The following STK32B variants were observed in gnomAD, a reference collection of about 807,000 sequenced individuals.
STK32B encodes serine/threonine kinase 32B.
In STK32B, 43 loss-of-function variants were observed where a neutral mutation model predicts 52.6. The observed-to-expected ratio is 0.82, with a 90% confidence interval of 0.64 to 1.05. The LOEUF is 1.05. Ranked by LOEUF, STK32B falls within the 50% of genes least tolerant of loss-of-function variation. The pLI, the probability that STK32B is intolerant of heterozygous loss-of-function variation, is 0.00. For missense variants in STK32B, 621 were observed against 534.6 expected, an observed-to-expected ratio of 1.16 and a Z score of -1.59; for synonymous variants, 238 against 204.3, an observed-to-expected ratio of 1.17 and a Z score of -1.41.
At chr4:5,428,776 T>C (rs1237338643) in intron 6 of STK32B, among the ~76,000 whole-genome samples, 1 of 152,230 alleles carries the variant, frequency 6.6e-6, no homozygotes, top group Non-Finnish European at 1.5e-5. Context: ...TGTAAATTTC[T>C]CTGTTTTTCC....
rs1045539618 is a variant in STK32B at position 5,399,811 on chromosome 4, G to A, written c.472+1567G>A. Among the ~76,000 whole-genome samples the A allele has an allele frequency of 2.0e-5, 3 of 152,160 alleles. No homozygotes were observed. The highest frequency in any genetic ancestry group is 7.2e-5 in the African/African-American group (3 of 41,440). On this transcript the variant is annotated intron_variant, in intron 5 of 11. Coordinates refer to ENST00000282908, the MANE Select transcript of STK32B (RefSeq NM_018401.3). The surrounding 1 kb of genome is among the most constrained non-coding windows in gnomAD (Gnocchi z 5.4). ...GAAGGTCAGCCACCCATCACAGTATGCAAGCGCTCGGGAAGGGGTAGATAA... is the reference window on the plus strand; with the variant it reads ...GAAGGTCAGCCACCCATCACAGTATACAAGCGCTCGGGAAGGGGTAGATAA...
At chr4:5,159,730 T>A (rs1375365181) in intron 2 of STK32B, among the ~76,000 whole-genome samples, 6 of 105,744 alleles carry the variant, frequency 5.7e-5, no homozygotes, top group African/African-American at 2.3e-4. Flanking sequence ...TGTATATGAA[T>A]ATATATATGA....
At chr4:5,282,654 C>G (rs540562455) in intron 3 of STK32B, among the ~76,000 whole-genome samples, 1 of 152,158 alleles carries the variant, frequency 6.6e-6, no homozygotes, top group Non-Finnish European at 1.5e-5. Context: ...CTACTATTGA[C>G]CTACTAATGA....
At chr4:5,257,778 A>C (rs773443941) in intron 3 of STK32B, among the ~76,000 whole-genome samples, 1 of 152,178 alleles carries the variant, frequency 6.6e-6, no homozygotes, top group Non-Finnish European at 1.5e-5. Flanking sequence ...CGCTGTCTTT[A>C]CTAAAAATAC....
chr4:5,165,106 G>A (rs1028577979), intron 2 of STK32B, among the ~76,000 whole-genome samples: 1 of 152,146 alleles, frequency 6.6e-6, no homozygotes, highest in Non-Finnish European at 1.5e-5. Flanking sequence ...AGGTGCCTTA[G>A]ATAGCATGAG....
chr4:5,440,783 T>A (rs1025190320), intron 6 of STK32B, among the ~76,000 whole-genome samples: 4 of 152,184 alleles, frequency 2.6e-5, no homozygotes, highest in South Asian at 2.1e-4. Context: ...TGTCCCATCA[T>A]TACCTAATTT....
chr4:5,147,042 A>G (rs1026151011), intron 2 of STK32B, among the ~76,000 whole-genome samples: 2 of 152,124 alleles, frequency 1.3e-5, no homozygotes, highest in East Asian at 1.9e-4. Context: ...TGGACATGGT[A>G]TATCTCTTTA....
intron 3 of STK32B, among the ~76,000 whole-genome samples, chr4:5,236,963 C>T (rs1249541208): frequency 2.0e-5 from 3 of 152,128 alleles, no homozygotes; most frequent in Non-Finnish European, 4.4e-5. Flanking sequence ...AAACATTTTG[C>T]CAAAGCAGCT....
In STK32B at chr4:5,442,175, C is replaced by T. The variant is rs1181844326; in HGVS notation, c.563-4498C>T. ...GGGTATCCTTGTTGACTTTCTGTCT[C>T]GTTGATCTGTCTAATGTTGACAGTG... On this transcript the variant is annotated intron_variant, in intron 6 of 11. Coordinates refer to ENST00000282908, the MANE Select transcript of STK32B (RefSeq NM_018401.3). Among the ~76,000 whole-genome samples the T allele has an allele frequency of 3.1e-5, 4 of 130,396 alleles. No homozygotes were observed. In the East Asian group the frequency reaches 1.0e-3, roughly 33 times the overall value. 85.5% of individuals were successfully genotyped at this position (130,396 alleles called of 152,430 possible).
chr4:5,134,815 T>G (rs1303211548), intron 1 of STK32B, among the ~76,000 whole-genome samples: 1 of 152,216 alleles, frequency 6.6e-6, no homozygotes, highest in African/African-American at 2.4e-5. Flanking sequence ...CCACAGTGCT[T>G]AAATGCATGT....
chr4:5,403,192 A>G (rs1316876663), intron 5 of STK32B, among the ~76,000 whole-genome samples: 1 of 152,078 alleles, frequency 6.6e-6, no homozygotes, highest in African/African-American at 2.4e-5. Flanking sequence ...TCAGATGCCA[A>G]CCAACCAATC....
At chr4:5,061,658 A>C (rs1293382283) in intron 1 of STK32B, among the ~76,000 whole-genome samples, 1 of 152,166 alleles carries the variant, frequency 6.6e-6, no homozygotes, top group African/African-American at 2.4e-5. Flanking sequence ...ATCATGCTTC[A>C]TCTTAAATCC....
At chr4:5,183,382 C>T (rs916267102) in intron 3 of STK32B, among the ~76,000 whole-genome samples, 2 of 151,190 alleles carry the variant, frequency 1.3e-5, no homozygotes, top group Non-Finnish European at 2.9e-5. Context: ...GAGGCTGAGG[C>T]AGGAGAATCG....
At chr4:5,422,391 C>G (rs569080995) in intron 6 of STK32B, among the ~76,000 whole-genome samples, 49 of 152,242 alleles carry the variant, frequency 3.2e-4, no homozygotes, top group Non-Finnish European at 5.3e-4. Flanking sequence ...ATGTTCCCAA[C>G]ACAGATTCAG....
chr4:5,223,549 C>T (rs1449867396), intron 3 of STK32B, among the ~76,000 whole-genome samples: 1 of 152,096 alleles, frequency 6.6e-6, no homozygotes, highest in Non-Finnish European at 1.5e-5. Flanking sequence ...CGCGGTGGCT[C>T]ACACCTGTAA....
the STK32B span, among the ~76,000 whole-genome samples, chr4:5,038,579 C>T: frequency 6.6e-6 from 1 of 152,302 alleles, no homozygotes; most frequent in South Asian, 2.1e-4. Context: ...AACTGTAACA[C>T]AATGCATTTG....
At chr4:5,105,008 A>G (rs1207334380) in intron 1 of STK32B, among the ~76,000 whole-genome samples, 5 of 152,218 alleles carry the variant, frequency 3.3e-5, no homozygotes, top group South Asian at 2.1e-4. Context: ...CCTGTGCTCA[A>G]TTATCTAAAG....
At chr4:5,497,493 T>C (rs1015353124) in intron 11 of STK32B, among the ~76,000 whole-genome samples, 3 of 152,226 alleles carry the variant, frequency 2.0e-5, no homozygotes, top group Non-Finnish European at 4.4e-5. Flanking sequence ...ATTTTAACCA[T>C]GACCACCTTT....
chr4:5,239,448 G>C (rs1267542863), intron 3 of STK32B, among the ~76,000 whole-genome samples: 1 of 152,014 alleles, frequency 6.6e-6, no homozygotes, highest in East Asian at 1.9e-4. Flanking sequence ...AAGGTGAGGG[G>C]ACAGTTGCAG....
Sources: gnomAD v4.1 joint callset for allele counts (sites outside exome capture counted in the v4.1 genomes callset) on GRCh38, gnomAD v4.1.1 for gene constraint, Gnocchi (gnomAD v3.1) non-coding constraint, MANE v1.5 for transcripts, NCBI Gene and HGNC (gene_info 2026-07-23, HGNC 2026-07-21) for gene names.